The following DSCAML1 variants were observed in gnomAD, a reference collection of about 807,000 sequenced individuals.
DSCAML1 encodes the protein cell adhesion molecule DSCAML1.
Under a neutral mutation model 200.5 loss-of-function variants are expected in DSCAML1, and 38 were observed. That is an observed-to-expected ratio of 0.19 (90% confidence interval 0.15 to 0.25). The LOEUF (loss-of-function observed/expected upper bound fraction) is 0.25, where lower values mean the gene tolerates loss of function less well. DSCAML1 is among the 10% of genes least tolerant of loss of function. The pLI is 1.00. For missense variants in DSCAML1, 2,223 were observed against 2,858.8 expected (o/e 0.78, Z 5.07); for synonymous variants, 1,215 against 1,165.0 (o/e 1.04, Z -0.87).
intron 14 of DSCAML1, 75 bp from the exon 15 acceptor site, chr11:117,472,111 C>T: frequency 7.7e-6 from 12 of 1,556,866 alleles, no homozygotes; most frequent in Non-Finnish European, 1.1e-5. Context: ...AGTACCAGTA[C>T]AACCCAATAT....
chr11:117,652,462 C>T (rs888776844), intron 3 of DSCAML1, among the ~76,000 whole-genome samples: 1 of 152,238 alleles, frequency 6.6e-6, no homozygotes, highest in Non-Finnish European at 1.5e-5. Context: ...TTCCCAGTCA[C>T]CTCCCCATCT....
At chr11:117,717,613 A>G (rs1014611384) in intron 3 of DSCAML1, among the ~76,000 whole-genome samples, 2 of 152,164 alleles carry the variant, frequency 1.3e-5, no homozygotes, top group African/African-American at 4.8e-5. Flanking sequence ...GGGCATCCTG[A>G]CTTCCTGGCG....
Position 117,433,062 on chromosome 11 carries a change from G to A in DSCAML1, c.5026+76C>T. 7 of 1,290,450 alleles carry A rather than the reference G, an allele frequency of 5.4e-6. 1 individual carries two copies. The highest frequency in any genetic ancestry group is 6.7e-6 in the Non-Finnish European group (6 of 894,578). The allele number at this position is 1,290,450 out of a possible 1,614,324, so 79.9% of individuals were successfully genotyped here. A position where few individuals can be genotyped will look rare whatever the true frequency, so the allele number is the denominator to read the frequency against. On this transcript the variant is annotated intron_variant, in intron 29 of 32. Transcript: ENST00000651296. ...ACCCTGGGCACTGCCATGAGGGTTG[G>A]TGTTTGACTTCCATGGGTTGTAGCC... is the stretch of plus-strand genomic sequence containing the variant.
intron 5 of DSCAML1, among the ~76,000 whole-genome samples, chr11:117,522,852 G>A (rs1454393843): frequency 6.6e-6 from 1 of 152,174 alleles, no homozygotes; most frequent in African/African-American, 2.4e-5. Flanking sequence ...GCAGGGAGAG[G>A]CTGTAGAGAG....
In DSCAML1 at chr11:117,439,424, T is replaced by G. The variant is rs1242530073; in HGVS notation, c.3986A>C (p.Asp1329Ala). 1 of 1,611,974 alleles carries G rather than the reference T, an allele frequency of 6.2e-7. No individual in the cohort carries two copies. The highest frequency in any genetic ancestry group is 1.3e-5 in the African/African-American group (1 of 74,800). The change falls in exon 23 of 33, where the codon GAC becomes GCC. Residue 1329 changes from aspartate (D) to alanine (A), a missense_variant. Asp to Ala is a moderately radical substitution (Grantham distance 126, BLOSUM62 -2). Coordinates refer to ENST00000651296, the MANE Select transcript of DSCAML1 (RefSeq NM_020693.4). ...PAVKWTKDSE[D>A]SAIPVSMDGH... is the part of the protein sequence containing the mutation. ...ATCCATGGACACTGGAATGGCCGAG[T>G]CTTCACTGCCAGGGGCGAGGATGGG...
At chr11:117,690,985 G>T (rs997187805) in intron 3 of DSCAML1, among the ~76,000 whole-genome samples, 3 of 152,104 alleles carry the variant, frequency 2.0e-5, no homozygotes, top group African/African-American at 7.2e-5. Flanking sequence ...CCTCCCTAGG[G>T]CTCCCGTGAC....
At chr11:117,646,902 A>G (rs762978937) in intron 3 of DSCAML1, among the ~76,000 whole-genome samples, 41 of 152,130 alleles carry the variant, frequency 2.7e-4, no homozygotes, top group Non-Finnish European at 4.9e-4. Context: ...AACCAAAGGA[A>G]TTCATCACAA....
chr11:117,627,679 A>G (rs1469875516), intron 3 of DSCAML1, among the ~76,000 whole-genome samples: 1 of 152,074 alleles, frequency 6.6e-6, no homozygotes, highest in African/African-American at 2.4e-5. Flanking sequence ...TGCGCCAGGC[A>G]CTTTGTATAT....
intron 11 of DSCAML1, among the ~76,000 whole-genome samples, chr11:117,494,606 C>T (rs2049255321): frequency 6.6e-6 from 1 of 152,122 alleles, no homozygotes. Flanking sequence ...ATTGTGTCCC[C>T]AAAAGATATG....
chr11:117,568,466 TAGAAAACCTCACTGTCTC>T (rs1787257864), intron 3 of DSCAML1, among the ~76,000 whole-genome samples: 1 of 152,214 alleles, frequency 6.6e-6, no homozygotes, highest in African/African-American at 2.4e-5. Context: ...ATTGTATATC[TAGAAAACCTCACTGTCTC>T]AGCCCAAAAT....
At chr11:117,790,331 G>T (rs910908060) in intron 1 of DSCAML1, among the ~76,000 whole-genome samples, 1 of 152,224 alleles carries the variant, frequency 6.6e-6, no homozygotes, top group African/African-American at 2.4e-5. Flanking sequence ...GGGAGAAGAG[G>T]TAGGCTTCCT....
At chr11:117,718,668 A>G (rs4938433) in intron 3 of DSCAML1, among the ~76,000 whole-genome samples, 1 of 25,834 alleles carries the variant, frequency 3.9e-5, no homozygotes, top group Non-Finnish European at 9.4e-5. Flanking sequence ...AATACTCAAA[A>G]CCCCCCCCCC....
chr11:117,804,653 G>A (rs561841982), intron 1 of DSCAML1, among the ~76,000 whole-genome samples: 13 of 152,128 alleles, frequency 8.5e-5, no homozygotes, highest in Admixed American at 3.9e-4. Context: ...TATCTCGTCC[G>A]GGCATGGTGG....
chr11:117,556,316 C>T (rs1441849596), intron 3 of DSCAML1, among the ~76,000 whole-genome samples: 1 of 152,114 alleles, frequency 6.6e-6, no homozygotes, highest in Non-Finnish European at 1.5e-5. Context: ...CTGCATGGTG[C>T]AGGCTTTGAA....
intron 3 of DSCAML1, among the ~76,000 whole-genome samples, chr11:117,648,779 G>C (rs898318816): frequency 6.6e-6 from 1 of 152,152 alleles, no homozygotes; most frequent in African/African-American, 2.4e-5. Context: ...TAGCAATCCA[G>C]GTGGCCCAGA....
chr11:117,751,535 G>T (rs2054605296), intron 3 of DSCAML1, among the ~76,000 whole-genome samples: 1 of 151,958 alleles, frequency 6.6e-6, no homozygotes, highest in South Asian at 2.1e-4. Context: ...CCATCTCGGG[G>T]CTTGGACAGG....
chr11:117,521,019 G>T, intron 6 of DSCAML1, 111 bp downstream of exon 6: 3 of 1,421,636 alleles, frequency 2.1e-6, no homozygotes, highest in East Asian at 4.6e-5. Context: ...GGCCTGGTGT[G>T]TAGTGAGCGC....
chr11:117,584,349 T>G (rs1445228348), intron 3 of DSCAML1, among the ~76,000 whole-genome samples: 2 of 152,168 alleles, frequency 1.3e-5, no homozygotes, highest in Non-Finnish European at 2.9e-5. Flanking sequence ...TCCTATCAGC[T>G]TCTCAGGAGC....
chr11:117,428,518 G>C lies in DSCAML1; in HGVS notation c.5972C>G (p.Thr1991Ser). 8 of 1,497,002 alleles carry C rather than the reference G, an allele frequency of 5.3e-6. No homozygotes were observed. Among genetic ancestry groups the C allele is most frequent in the Middle Eastern group, 2.4e-4 (1 of 4,176 alleles). 92.7% of individuals were successfully genotyped at this position (1,497,002 alleles called of 1,614,324 possible). A position where few individuals can be genotyped will look rare whatever the true frequency, so the allele number is the denominator to read the frequency against. ...GGGGGCGGTGGGTGGCTCAGCAGGG[G>C]TGGGGCCGGGGGCTGGGGGGGCTGT... The part of the protein sequence containing the change: ...AGTAPPAPGP[T>S]PAEPPTAPSA... The change falls in exon 33 of 33, where the codon ACC becomes AGC. Residue 1991 changes from threonine to serine, a missense_variant. By Grantham distance (58) the Thr-to-Ser change is moderately conservative. This residue lies in a region of DSCAML1 where 280 missense variants were observed against 213.4 expected (regional missense o/e 1.31). Transcript: ENST00000651296.
Sources: gnomAD v4.1 joint callset for allele counts (sites outside exome capture counted in the v4.1 genomes callset) on GRCh38, gnomAD v4.1.1 for gene constraint, gnomAD v4.1.1 regional missense constraint, MANE v1.5 for transcripts, NCBI Gene and HGNC (gene_info 2026-07-23, HGNC 2026-07-21) for gene names.